Variants in CSMD1 observed in about 807,000 individuals in gnomAD.
CSMD1 encodes the protein CUB and Sushi multiple domains 1, also known as CUB and sushi domain-containing protein 1.
Under a neutral mutation model 417.5 loss-of-function variants are expected in CSMD1, and 213 were observed. The observed-to-expected ratio is 0.51, with a 90% confidence interval of 0.46 to 0.57. CSMD1 has a LOEUF of 0.57. CSMD1 is among the 20% of genes least tolerant of loss of function. CSMD1 has a pLI of 0.00. For missense variants in CSMD1, 6,923 were observed against 4,529.7 expected, an observed-to-expected ratio of 1.53 and a Z score of -15.17; for synonymous variants, 2,862 against 1,736.8, an observed-to-expected ratio of 1.65 and a Z score of -16.11.
chr8:3,450,915 G>C (rs543014417), intron 12 of CSMD1, among the ~76,000 whole-genome samples: 1 of 151,962 alleles, frequency 6.6e-6, no homozygotes, highest in East Asian at 1.9e-4. Context: ...GGTTGAACTA[G>C]TTTACAGTCT....
chr8:3,078,749 A>G (rs1412096978), intron 49 of CSMD1, among the ~76,000 whole-genome samples: 2 of 152,188 alleles, frequency 1.3e-5, no homozygotes, highest in Non-Finnish European at 1.5e-5. Context: ...GCTACCATGA[A>G]CAAGAAGGGA....
At chr8:4,719,950 A>G (rs1808943469) in intron 1 of CSMD1, among the ~76,000 whole-genome samples, 1 of 152,158 alleles carries the variant, frequency 6.6e-6, no homozygotes, top group African/African-American at 2.4e-5. Context: ...ATGTCACCTC[A>G]CTTTAAATTT....
At chr8:4,161,532 C>T (rs1797168408) in intron 3 of CSMD1, among the ~76,000 whole-genome samples, 1 of 152,160 alleles carries the variant, frequency 6.6e-6, no homozygotes, top group African/African-American at 2.4e-5. Context: ...ACGCAAAGTC[C>T]ACTGTGCACC....
intron 26 of CSMD1, among the ~76,000 whole-genome samples, chr8:3,242,346 G>A (rs1386327665): frequency 5.3e-5 from 8 of 151,198 alleles, no homozygotes; most frequent in East Asian, 4.0e-4. Context: ...AAGACTCAGC[G>A]ACGCTTGGGG....
intron 8 of CSMD1, among the ~76,000 whole-genome samples, chr8:3,615,793 G>T (rs80084508): frequency 0.057 from 8,708 of 152,024 alleles, 325 homozygotes; most frequent in Non-Finnish European, 0.089. Flanking sequence ...ATTGTAAGAA[G>T]GAAAAACACA....
intron 5 of CSMD1, among the ~76,000 whole-genome samples, chr8:3,759,579 A>G (rs79867058): frequency 0.02 from 3,053 of 152,106 alleles, 57 homozygotes; most frequent in Non-Finnish European, 0.028. Flanking sequence ...CAGAGACAAG[A>G]TTCAAAGTAG....
intron 25 of CSMD1, among the ~76,000 whole-genome samples, chr8:3,291,017 G>T (rs1420322970): frequency 1.3e-5 from 2 of 152,122 alleles, no homozygotes; most frequent in Admixed American, 6.6e-5. Flanking sequence ...CTAATTTTTT[G>T]AGAGTTTTTA....
chr8:3,020,710 G>A (rs1809294131), intron 51 of CSMD1, among the ~76,000 whole-genome samples: 1 of 152,060 alleles, frequency 6.6e-6, no homozygotes, highest in Non-Finnish European at 1.5e-5. Context: ...TATCTCAAAT[G>A]TTCAGACAGA....
chr8:4,594,642 A>G (rs1800162018), intron 2 of CSMD1, among the ~76,000 whole-genome samples: 1 of 152,188 alleles, frequency 6.6e-6, no homozygotes, highest in Non-Finnish European at 1.5e-5. Flanking sequence ...TGGTCTTTCA[A>G]CTTCAAAACC....
At chr8:4,252,288 G>A (rs1232600916) in intron 3 of CSMD1, among the ~76,000 whole-genome samples, 2 of 152,158 alleles carry the variant, frequency 1.3e-5, no homozygotes, top group Non-Finnish European at 1.5e-5. Context: ...GTTGTCTTCT[G>A]TCATGCACAC....
At chr8:4,730,525 G>T (rs1440398607) in intron 1 of CSMD1, among the ~76,000 whole-genome samples, 2 of 152,080 alleles carry the variant, frequency 1.3e-5, no homozygotes, top group Non-Finnish European at 1.5e-5. Flanking sequence ...CGGATCACGA[G>T]GTCAGGAGAT....
chr8:4,873,815 T>G (rs981479679), intron 1 of CSMD1, among the ~76,000 whole-genome samples: 8 of 152,148 alleles, frequency 5.3e-5, no homozygotes, highest in African/African-American at 1.9e-4. Context: ...AGGCCATTTC[T>G]TATAAGTTGT....
In CSMD1 at chr8:4,430,823, C is replaced by G. The variant is rs575165825; in HGVS notation, c.303-10758G>C. 2.0e-5 allele frequency among the ~76,000 whole-genome samples: 3 copies of G among 152,244 alleles called. No individual in the cohort carries two copies. The South Asian group carries it at 6.2e-4, about 32-fold the overall frequency. On this transcript the variant is annotated intron_variant, in intron 2 of 69. Coordinates refer to ENST00000635120, the MANE Select transcript of CSMD1 (RefSeq NM_033225.6). ...TAACAGCGTTTTTCCTGTCAATTGT[C>G]ACTGCAAATACTTCACTCCAGTGTT...
At chr8:3,624,287 GGAAAGA>G (rs1164496228) in intron 7 of CSMD1, among the ~76,000 whole-genome samples, 1 of 152,140 alleles carries the variant, frequency 6.6e-6, no homozygotes, top group African/African-American at 2.4e-5. Context: ...TCAGCTAAGA[GGAAAGA>G]GAAAGACTTT....
At chr8:3,466,309 G>C (rs1276415230) in intron 12 of CSMD1, among the ~76,000 whole-genome samples, 3 of 152,046 alleles carry the variant, frequency 2.0e-5, no homozygotes, top group Non-Finnish European at 2.9e-5. Flanking sequence ...TACAGCTCCA[G>C]AGCCTGTGTT....
chr8:4,946,030 G>T (rs1405562799), intron 1 of CSMD1, among the ~76,000 whole-genome samples: 1 of 152,176 alleles, frequency 6.6e-6, no homozygotes, highest in South Asian at 2.1e-4. Flanking sequence ...GTGAACATCA[G>T]ACTTCTCCCG....
intron 1 of CSMD1, among the ~76,000 whole-genome samples, chr8:4,685,557 C>A (rs1806317421): frequency 6.6e-6 from 1 of 151,766 alleles, no homozygotes. Flanking sequence ...GCCTGGGTGA[C>A]AGAATGAGAC....
intron 43 of CSMD1, 127 bp from the exon 44 acceptor site, chr8:3,108,875 T>A: frequency 1.1e-6 from 1 of 916,842 alleles, no homozygotes; most frequent in Non-Finnish European, 1.6e-6. Context: ...CAGGATACTG[T>A]GTTTGTAAAC....
intron 2 of CSMD1, among the ~76,000 whole-genome samples, chr8:4,635,420 A>G (rs1477628634): frequency 1.3e-5 from 2 of 152,176 alleles, no homozygotes; most frequent in South Asian, 2.1e-4. Flanking sequence ...CCATAAGACC[A>G]TAAGAGATAA....
Sources: gnomAD v4.1 joint callset for allele counts (sites outside exome capture counted in the v4.1 genomes callset) on GRCh38, gnomAD v4.1.1 for gene constraint, MANE v1.5 for transcripts, NCBI Gene and HGNC (gene_info 2026-07-23, HGNC 2026-07-21) for gene names.